Variants in RNF128 observed in about 807,000 individuals in gnomAD.
RNF128 encodes ring finger protein 128, also known as E3 ubiquitin-protein ligase RNF128.
RNF128 carries 13 observed loss-of-function variants against 26.2 expected under a neutral mutation model. The ratio of observed to expected loss-of-function variants is 0.50; its 90% confidence interval spans 0.32 to 0.79. RNF128 has a LOEUF of 0.79. RNF128 is among the 30% of genes least tolerant of loss of function. RNF128 has a pLI of 0.03. For missense variants in RNF128, 315 were observed against 349.7 expected (o/e 0.90, Z 0.79); for synonymous variants, 149 against 142.5 (o/e 1.05, Z -0.32).
chrX:106,739,168 C>G (rs1198746630), intron 1 of RNF128, among the ~76,000 whole-genome samples: 1 of 106,848 alleles, frequency 9.4e-6, no homozygotes, highest in Admixed American at 1.0e-4. Context: ...TTCTTTCTGA[C>G]TTTTTTTTTG....
chrX:106,746,519 G>T (rs1929797956), intron 1 of RNF128, among the ~76,000 whole-genome samples: 1 of 111,245 alleles, frequency 9.0e-6, no homozygotes, highest in African/African-American at 3.3e-5. Context: ...AATATCATTA[G>T]CTTTTTGAAG....
chrX:106,758,998 A>G (rs985994953), intron 1 of RNF128, among the ~76,000 whole-genome samples: 2 of 111,780 alleles, frequency 1.8e-5, no homozygotes, highest in African/African-American at 6.5e-5. Context: ...AGAAGAGACT[A>G]CCCATAGAAT....
chrX:106,764,996 G>A (rs778435294), intron 1 of RNF128, among the ~76,000 whole-genome samples: 9 of 111,351 alleles, frequency 8.1e-5, no homozygotes, highest in Non-Finnish European at 1.5e-4. Flanking sequence ...AGATCCATAA[G>A]GGATATTTGG....
At position 106,754,166 on chromosome X, in the gene RNF128, G is replaced by A. The variant is rs573759904; in HGVS notation, c.485-18747G>A. Among the ~76,000 whole-genome samples the A allele has an allele frequency of 3.0e-4, 34 of 111,913 alleles. No individual in the cohort carries two copies. In the South Asian group the frequency reaches 7.1e-3, roughly 23 times the overall value. ...GAAGACACAATTGTCTCTTTGGCAC[G>A]TGGATCATTCTCAAGGATAAACCAT... On this transcript the variant is annotated intron_variant, in intron 1 of 6. Transcript: ENST00000255499.
chrX:106,749,087 C>T (rs1929836692), intron 1 of RNF128, among the ~76,000 whole-genome samples: 1 of 111,317 alleles, frequency 9.0e-6, no homozygotes, highest in Non-Finnish European at 1.9e-5. Context: ...GAAAAAAATG[C>T]CATCCTTCAC....
At chrX:106,789,079 CTATATAG>C (rs1485079145) in intron 4 of RNF128, among the ~76,000 whole-genome samples, 16 of 81,967 alleles carry the variant, frequency 2.0e-4, no homozygotes, top group African/African-American at 3.2e-4. Context: ...TGTATATATA[CTATATAG>C]TATATAGTAT....
rs1427550306 is a variant in RNF128, at chrX:106,796,020, G to T, written c.*307G>T. ...TATAACAATTTTCTTATAAAAACAT[G>T]TTGCTTTTAAAATGTGGAGTAGCTG... On this transcript the variant is annotated 3_prime_UTR_variant, in exon 7 of 7. Coordinates refer to ENST00000255499, the MANE Select transcript of RNF128 (RefSeq NM_194463.2). The T allele has an allele frequency of 7.7e-6, 1 of 130,644 alleles. No homozygotes were observed. Among genetic ancestry groups the T allele is most frequent in the Non-Finnish European group, 1.5e-5 (1 of 65,851 alleles). The allele number at this position is 130,644 out of a possible 1,213,427, so 10.8% of individuals were successfully genotyped here.
At chrX:106,733,196 A>C (rs1390923747) in intron 1 of RNF128, among the ~76,000 whole-genome samples, 1 of 111,343 alleles carries the variant, frequency 9.0e-6, no homozygotes, top group African/African-American at 3.3e-5. Context: ...CATTTTATAT[A>C]AGGAAATTGA....
At chrX:106,795,551 C>G in intron 6 of RNF128, 29 bp from the exon 7 acceptor site, 1 of 1,167,941 alleles carries the variant, frequency 8.6e-7, no homozygotes. Context: ...GGGGCAAAAT[C>G]ATCCTAAAAT....
In RNF128 at chrX:106,773,127, G is replaced by A; in HGVS notation, c.699G>A (p.Arg233=). The A allele has an allele frequency of 7.4e-6, 9 of 1,210,292 alleles. No homozygotes were observed. Among genetic ancestry groups the A allele is most frequent in the Non-Finnish European group, 1.0e-5 (9 of 894,968 alleles). ...VGYFIFYSAR[R]LRNARAQSRK... ...ATTTTATCTTTTATTCTGCTCGAAGGCTACGGAATGCAAGAGCTCAAAGCA... is the reference window on the plus strand; with the variant it reads ...ATTTTATCTTTTATTCTGCTCGAAGACTACGGAATGCAAGAGCTCAAAGCA... The change falls in exon 2 of 7, where the codon AGG becomes AGA. Residue 233 remains arginine (R), a synonymous_variant. Coordinates refer to ENST00000255499, the MANE Select transcript of RNF128 (RefSeq NM_194463.2).
chrX:106,695,748 C>G (rs1212620791), intron 1 of RNF128, among the ~76,000 whole-genome samples: 1 of 112,038 alleles, frequency 8.9e-6, no homozygotes, highest in Admixed American at 9.5e-5. Flanking sequence ...TTCTAAGGAA[C>G]CAACTTGCTA....
intron 6 of RNF128, among the ~76,000 whole-genome samples, chrX:106,793,229 A>G (rs1263328474): frequency 9.0e-6 from 1 of 110,880 alleles, no homozygotes; most frequent in African/African-American, 3.3e-5. Context: ...TTTGAGAACC[A>G]TTGAATAAGG....
chrX:106,793,613 T>C (rs1423676285), intron 6 of RNF128, among the ~76,000 whole-genome samples: 1 of 111,556 alleles, frequency 9.0e-6, no homozygotes, highest in South Asian at 3.7e-4. Flanking sequence ...TTAATTGTCA[T>C]GTGTCCTTAG....
At chrX:106,767,783 G>C (rs1930280858) in intron 1 of RNF128, among the ~76,000 whole-genome samples, 1 of 111,794 alleles carries the variant, frequency 8.9e-6, no homozygotes, top group Non-Finnish European at 1.9e-5. Flanking sequence ...GGGCATCCCT[G>C]TCTTGTGCCA....
chrX:106,780,533 CTT>C (rs925722843), intron 2 of RNF128, among the ~76,000 whole-genome samples: 3 of 111,903 alleles, frequency 2.7e-5, no homozygotes, highest in African/African-American at 9.7e-5. Context: ...CCAGGTATCT[CTT>C]AGGATTAGAG....
At position 106,704,295 on chromosome X, in the gene RNF128, T is replaced by A. The variant is rs759773263; in HGVS notation, c.406+9887T>A. Among the ~76,000 whole-genome samples the A allele has an allele frequency of 3.2e-3, 354 of 109,641 alleles. 1 individual carries two copies. The highest frequency in any genetic ancestry group is 0.011 in the African/African-American group (332 of 30,122). On this transcript the variant is annotated intron_variant, in intron 1 of 6. Transcript: ENST00000324342. The stretch of plus-strand genomic sequence containing the variant: ...CTAAAAAATACAAAAAAGCCAGGCG[T>A]GGTGGCTGGCGCCTGTAGTCCCAGC...
intron 1 of RNF128, among the ~76,000 whole-genome samples, chrX:106,696,607 C>G (rs1263118907): frequency 9.0e-6 from 1 of 110,907 alleles, no homozygotes; most frequent in Admixed American, 9.6e-5. Context: ...TGTATTACCC[C>G]CTAAAAACCA....
chrX:106,696,766 TTCTAA>T (rs1230298364), intron 1 of RNF128, among the ~76,000 whole-genome samples: 1 of 111,743 alleles, frequency 8.9e-6, no homozygotes, highest in Non-Finnish European at 1.9e-5. Context: ...CTCTGCTTCT[TTCTAA>T]TGTCAGTGCT....
chrX:106,786,095 G>A (rs1001940190), intron 3 of RNF128, among the ~76,000 whole-genome samples: 1 of 111,728 alleles, frequency 9.0e-6, no homozygotes, highest in African/African-American at 3.2e-5. Flanking sequence ...AGATGAAAAT[G>A]CAAAAGAACT....
Sources: gnomAD v4.1 joint callset for allele counts (sites outside exome capture counted in the v4.1 genomes callset) on GRCh38, gnomAD v4.1.1 for gene constraint, MANE v1.5 for transcripts, NCBI Gene and HGNC (gene_info 2026-07-23, HGNC 2026-07-21) for gene names.